The following PPP5C variants were observed in gnomAD, a reference collection of about 807,000 sequenced individuals.
PPP5C encodes the protein protein phosphatase 5 catalytic subunit, also known as serine/threonine-protein phosphatase 5.
In PPP5C, 21 loss-of-function variants were observed where a neutral mutation model predicts 66.7. The observed-to-expected ratio is 0.31, with a 90% confidence interval of 0.22 to 0.45. The LOEUF (loss-of-function observed/expected upper bound fraction) is 0.45, where lower values mean the gene tolerates loss of function less well. Ranked by LOEUF, PPP5C falls within the 20% of genes least tolerant of loss-of-function variation. The probability of loss-of-function intolerance (pLI) is 1.00; values close to 1 mark genes in which losing one functional copy is unlikely to be tolerated. For missense variants in PPP5C, 464 were observed against 675.9 expected, an observed-to-expected ratio of 0.69 and a Z score of 3.48; for synonymous variants, 246 against 257.4, an observed-to-expected ratio of 0.96 and a Z score of 0.43.
chr19:46,389,448 CACACACACACACAG>C (rs1334045384), intron 11 of PPP5C, among the ~76,000 whole-genome samples: 3 of 107,200 alleles, frequency 2.8e-5, no homozygotes, highest in African/African-American at 1.2e-4. Flanking sequence ...CACACACACA[CACACACACACACAG>C]TGTTGATCCC....
chr19:46,353,896 G>A lies in PPP5C; in HGVS notation c.270G>A (p.Glu90=), dbSNP rs747064876. 1.9e-6 allele frequency: 3 copies of A among 1,605,916 alleles called. No homozygotes were observed. The highest frequency in any genetic ancestry group is 2.5e-6 in the Non-Finnish European group (3 of 1,176,644). ...TGGGAGACGCCACGCGGGCCATTGA[G>A]CTGGACAAGAAGTACATCAAGGGTT... ...YALGDATRAI[E]LDKKYIKGYY... is the part of the protein sequence containing the mutation. Residue 90 remains glutamate (E), a synonymous_variant, in exon 2 of 13, where the codon GAG becomes GAA. Transcript: ENST00000012443.
At chr19:46,375,061 C>T (rs1256987184) in intron 2 of PPP5C, among the ~76,000 whole-genome samples, 1 of 152,180 alleles carries the variant, frequency 6.6e-6, no homozygotes, top group East Asian at 1.9e-4. Context: ...GCATGCCGGG[C>T]CCCCTGTGTT....
At position 46,390,820 on chromosome 19, in the gene PPP5C, A is replaced by C. The variant is rs1973009740; in HGVS notation, c.*474A>C. On this transcript the variant is annotated 3_prime_UTR_variant, in exon 13 of 13. Coordinates refer to ENST00000012443, the MANE Select transcript of PPP5C (RefSeq NM_006247.4). Reference sequence around the variant, plus strand: ...CCCAGCTATTTTATGTCTGTAATTAAATATGTTAAAATAAAGTCATTATCG... The same window carrying C: ...CCCAGCTATTTTATGTCTGTAATTACATATGTTAAAATAAAGTCATTATCG... 8.9e-7 allele frequency: 1 copy of C among 1,124,850 alleles called. No homozygotes were observed. The highest frequency in any genetic ancestry group is 1.1e-6 in the Non-Finnish European group (1 of 907,026). 69.7% of individuals were successfully genotyped at this position (1,124,850 alleles called of 1,614,324 possible). A position where few individuals can be genotyped will look rare whatever the true frequency, so the allele number is the denominator to read the frequency against.
Position 46,370,455 on chromosome 19 carries a change from T to C in PPP5C, c.364-5149T>C, listed in dbSNP as rs146325335. Among the ~76,000 whole-genome samples, 17 of 152,330 alleles carry C rather than the reference T, an allele frequency of 1.1e-4. No individual in the cohort carries two copies. The East Asian group carries it at 2.9e-3, about 26-fold the overall frequency. On this transcript the variant is annotated intron_variant, in intron 2 of 12. Coordinates refer to ENST00000012443, the MANE Select transcript of PPP5C (RefSeq NM_006247.4). ...AGGTCCTCTGGGGCTGTCACACGCATGGAGCTGTCATCTAGGGTGACAGTG... is the reference window on the plus strand; with the variant it reads ...AGGTCCTCTGGGGCTGTCACACGCACGGAGCTGTCATCTAGGGTGACAGTG...
Position 46,383,470 on chromosome 19 carries a change from C to A in PPP5C, c.693C>A (p.Leu231=), listed in dbSNP as rs1483186536. ...SKLSTLVETT[L]KETEKITVCG... Reference sequence around the variant, plus strand: ...TGAGCACGCTCGTGGAAACCACACTCAAAGAGGTGCGCGTTGTGGGGCAGT... The same window carrying A: ...TGAGCACGCTCGTGGAAACCACACTAAAAGAGGTGCGCGTTGTGGGGCAGT... Residue 231 remains leucine, a synonymous_variant, in exon 5 of 13, where the codon CTC becomes CTA. Coordinates refer to ENST00000012443, the MANE Select transcript of PPP5C (RefSeq NM_006247.4). The surrounding 1 kb of genome is among the most constrained non-coding windows in gnomAD (Gnocchi z 5.0). The A allele has an allele frequency of 6.2e-7, 1 of 1,604,206 alleles. No homozygotes were observed. Among genetic ancestry groups the A allele is most frequent in the South Asian group, 1.1e-5 (1 of 90,240 alleles).
At chr19:46,363,664 G>A (rs1972441751) in intron 2 of PPP5C, among the ~76,000 whole-genome samples, 1 of 151,986 alleles carries the variant, frequency 6.6e-6, no homozygotes, top group Non-Finnish European at 1.5e-5. Flanking sequence ...TCCTGACCTT[G>A]TGATCTGCCC....
At chr19:46,348,303 TG>T (rs1568562197) in intron 1 of PPP5C, among the ~76,000 whole-genome samples, 1 of 141,076 alleles carries the variant, frequency 7.1e-6, no homozygotes, top group Non-Finnish European at 1.5e-5. Context: ...AAGACCAGTT[TG>T]GAATTTTTTT....
At position 46,390,113 on chromosome 19, in the gene PPP5C, TC is replaced by T; in HGVS notation, c.1420del (p.His474ThrfsTer23). The T allele has an allele frequency of 6.2e-7, 1 of 1,614,064 alleles. No individual in the cohort carries two copies. The highest frequency in any genetic ancestry group is 8.5e-7 in the Non-Finnish European group (1 of 1,179,978). On this transcript the variant is annotated frameshift_variant, in exon 12 of 13. Coordinates refer to ENST00000012443, the MANE Select transcript of PPP5C (RefSeq NM_006247.4). LOFTEE classifies it high-confidence loss of function. ...HLQGSDLRPQFHQFTAVPHPN... is the reference protein window; with the variant it reads ...HLQGSDLRPQXHQFTAVPHPN... ...CAGGGCTCTGACCTACGGCCTCAGT[TC>T]CACCAGTTCACAGCAGTGGTGAGTC... is the stretch of plus-strand genomic sequence containing the variant.
chr19:46,382,821 T>G, intron 4 of PPP5C: 5 of 1,033,916 alleles, frequency 4.8e-6, no homozygotes, highest in Non-Finnish European at 5.8e-6. Context: ...ATCCGGAAAA[T>G]CTGGAAACAT....
In PPP5C at chr19:46,387,149, G is replaced by A. The variant is rs1321779694; in HGVS notation, c.961G>A (p.Ala321Thr). Residue 321 changes from alanine to threonine, a missense_variant, in exon 8 of 13, where the codon GCC becomes ACC. Around this residue, in one of 2 missense-constraint regions of PPP5C, gnomAD observed 387 missense variants for 626.0 expected, o/e 0.62. Coordinates refer to ENST00000012443, the MANE Select transcript of PPP5C (RefSeq NM_006247.4). ...QIYGFEGEVK[A>T]KYTAQMYELF... ...CTACGGTTTCGAGGGTGAGGTGAAG[G>A]CCAAGTACACAGCCCAGATGTACGA... 3.1e-6 allele frequency: 5 copies of A among 1,614,122 alleles called. No individual in the cohort carries two copies. Among genetic ancestry groups the A allele is most frequent in the Non-Finnish European group, 4.2e-6 (5 of 1,180,054 alleles).
intron 2 of PPP5C, among the ~76,000 whole-genome samples, chr19:46,360,595 G>A (rs1972367230): frequency 6.6e-6 from 1 of 151,922 alleles, no homozygotes; most frequent in South Asian, 2.1e-4. Flanking sequence ...CGGCCTCCTG[G>A]GCTCAATTGA....
Position 46,390,924 on chromosome 19 carries a change from T to G in PPP5C, c.*578T>G, listed in dbSNP as rs1601452020. Reference sequence around the variant, plus strand: ...ACGCCTGCTCAGGAGATCCGGAGGGTGGGGAGGCCGCAAAGTCCCGCTGGC... The same window carrying G: ...ACGCCTGCTCAGGAGATCCGGAGGGGGGGGAGGCCGCAAAGTCCCGCTGGC... On this transcript the variant is annotated 3_prime_UTR_variant, in exon 13 of 13. Transcript: ENST00000012443. 4 of 1,171,676 alleles carry G rather than the reference T, an allele frequency of 3.4e-6. No homozygotes were observed. The highest frequency in any genetic ancestry group is 2.2e-6 in the Non-Finnish European group (2 of 929,954). 72.6% of individuals were successfully genotyped at this position (1,171,676 alleles called of 1,614,324 possible).
Position 46,375,624 on chromosome 19 carries a change from T to G in PPP5C, c.384T>G (p.His128Gln), listed in dbSNP as rs576127473. The G allele has an allele frequency of 6.2e-7, 1 of 1,612,478 alleles. No homozygotes were observed. Reference protein sequence around the residue: ...DYETVVKVKPHDKDAKMKYQE... With the variant: ...DYETVVKVKPQDKDAKMKYQE... The stretch of plus-strand genomic sequence containing the variant: ...CCCAGGTGGTCAAGGTGAAGCCCCA[T>G]GACAAGGATGCCAAAATGAAATACC... Residue 128 changes from histidine to glutamine, a missense_variant, in exon 3 of 13, where the codon CAT (histidine) becomes CAG (glutamine). Coordinates refer to ENST00000012443, the MANE Select transcript of PPP5C (RefSeq NM_006247.4).
rs146526189 is a variant in PPP5C at position 46,387,109 on chromosome 19, C to T, written c.921C>T (p.Asp307=). ...FHLLRGNHET[D]NMNQIYGFEG... The stretch of plus-strand genomic sequence containing the variant: ...GTTGGCCAGGCAACCACGAGACAGA[C>T]AACATGAACCAGATCTACGGTTTCG... The change falls in exon 8 of 13, where the codon GAC becomes GAT. Residue 307 remains aspartate (D), a synonymous_variant. Transcript: ENST00000012443. The T allele has an allele frequency of 1.2e-6, 2 of 1,614,250 alleles. No individual in the cohort carries two copies. The highest frequency in any genetic ancestry group is 1.7e-6 in the Non-Finnish European group (2 of 1,180,052).
intron 2 of PPP5C, among the ~76,000 whole-genome samples, chr19:46,367,640 C>A (rs568475139): frequency 1.3e-5 from 2 of 152,200 alleles, no homozygotes; most frequent in African/African-American, 4.8e-5. Context: ...GAGGGGGCCC[C>A]GGCATCCCTG....
In PPP5C at chr19:46,388,230, T is replaced by G. The variant is rs1601447703; in HGVS notation, c.1136-178T>G. On this transcript the variant is annotated intron_variant, in intron 9 of 12. Transcript: ENST00000012443. The surrounding 1 kb of genome is among the most constrained non-coding windows in gnomAD (Gnocchi z 4.9). Reference sequence around the variant, plus strand: ...GGCAGATCAGCAGAGAGGGTGGGGGTGGCTCAGAATCACAGTCACCTGTCC... The same window carrying G: ...GGCAGATCAGCAGAGAGGGTGGGGGGGGCTCAGAATCACAGTCACCTGTCC... The G allele has an allele frequency of 1.6e-6, 1 of 631,506 alleles. No homozygotes were observed. Among genetic ancestry groups the G allele is most frequent in the South Asian group, 2.4e-5 (1 of 41,184 alleles). 39.1% of individuals were successfully genotyped at this position (631,506 alleles called of 1,614,324 possible).
chr19:46,373,090 T>G (rs1189154044), intron 2 of PPP5C, among the ~76,000 whole-genome samples: 1 of 152,234 alleles, frequency 6.6e-6, no homozygotes, highest in Non-Finnish European at 1.5e-5. Context: ...GCTTGAGATG[T>G]GAGGCCGCCT....
intron 2 of PPP5C, among the ~76,000 whole-genome samples, chr19:46,373,503 G>C (rs1352732997): frequency 1.3e-5 from 2 of 152,188 alleles, no homozygotes; most frequent in East Asian, 3.8e-4. Context: ...TATTGTTGCC[G>C]CTGCCACTGT....
chr19:46,363,884 G>T (rs1319804111), intron 2 of PPP5C, among the ~76,000 whole-genome samples: 1 of 152,192 alleles, frequency 6.6e-6, no homozygotes, highest in Non-Finnish European at 1.5e-5. Flanking sequence ...AGATCAAGGA[G>T]CTCTATGTAA....
Sources: gnomAD v4.1 joint callset for allele counts (sites outside exome capture counted in the v4.1 genomes callset) on GRCh38, gnomAD v4.1.1 for gene constraint, gnomAD v4.1.1 regional missense constraint, Gnocchi (gnomAD v3.1) non-coding constraint, MANE v1.5 for transcripts, NCBI Gene and HGNC (gene_info 2026-07-23, HGNC 2026-07-21) for gene names.